The following CAMKMT variants were observed in gnomAD, a reference collection of about 807,000 sequenced individuals.
The protein encoded by CAMKMT is CaM KMT.
A neutral mutation model predicts 48.0 loss-of-function variants in CAMKMT; 53 were observed. The ratio of observed to expected loss-of-function variants is 1.10; its 90% CI spans 0.89 to 1.39. The LOEUF (loss-of-function observed/expected upper bound fraction) is 1.39, where lower values mean the gene tolerates loss of function less well. Ranked by LOEUF, CAMKMT falls within the 40% of genes most tolerant of loss-of-function variation. The pLI, the probability that CAMKMT is intolerant of heterozygous loss-of-function variation, is 0.00. For missense variants in CAMKMT, 428 were observed against 402.7 expected (o/e 1.06, Z -0.54); for synonymous variants, 165 against 152.3 (o/e 1.08, Z -0.61).
intron 3 of CAMKMT, among the ~76,000 whole-genome samples, chr2:44,608,116 A>T (rs1297771286): frequency 1.6e-5 from 2 of 128,226 alleles, no homozygotes; most frequent in Non-Finnish European, 3.1e-5. Context: ...TCCGTCGCCC[A>T]GGCTGGAGTG....
chr2:44,426,981 C>G (rs1270022371), intron 3 of CAMKMT, among the ~76,000 whole-genome samples: 1 of 152,088 alleles, frequency 6.6e-6, no homozygotes, highest in Non-Finnish European at 1.5e-5. Context: ...GACACATAGA[C>G]CAATGGAACA....
intron 3 of CAMKMT, among the ~76,000 whole-genome samples, chr2:44,661,749 C>G (rs1482153657): frequency 6.6e-6 from 1 of 152,106 alleles, no homozygotes; most frequent in African/African-American, 2.4e-5. Flanking sequence ...CCAACAGTGG[C>G]ATTAGAGTTA....
intron 3 of CAMKMT, among the ~76,000 whole-genome samples, chr2:44,426,828 A>G (rs1417935282): frequency 6.6e-6 from 1 of 152,198 alleles, no homozygotes; most frequent in Non-Finnish European, 1.5e-5. Context: ...ACTATCTAAA[A>G]TTCATATGGA....
intron 3 of CAMKMT, among the ~76,000 whole-genome samples, chr2:44,675,280 T>TATTA (rs1675617704): frequency 6.6e-6 from 1 of 152,202 alleles, no homozygotes; most frequent in African/African-American, 2.4e-5. Flanking sequence ...AGCACTCTAA[T>TATTA]GAGGCTCTTT....
At chr2:44,615,201 C>G (rs1382673547) in intron 3 of CAMKMT, among the ~76,000 whole-genome samples, 2 of 152,012 alleles carry the variant, frequency 1.3e-5, no homozygotes, top group Non-Finnish European at 2.9e-5. Context: ...ATTGGGATTA[C>G]AGGTTGAATT....
At chr2:44,441,833 ACATGGTAG>A (rs1666682354) in intron 3 of CAMKMT, among the ~76,000 whole-genome samples, 1 of 152,124 alleles carries the variant, frequency 6.6e-6, no homozygotes, top group Admixed American at 6.6e-5. Flanking sequence ...GTGCATTTTG[ACATGGTAG>A]CTTTTATACT....
At chr2:44,372,135 G>A (rs1679239288) in intron 1 of CAMKMT, among the ~76,000 whole-genome samples, 2 of 152,050 alleles carry the variant, frequency 1.3e-5, no homozygotes, top group Non-Finnish European at 2.9e-5. Flanking sequence ...ATATCCCCAG[G>A]AGAAAAGTGG....
At chr2:44,511,205 C>G (rs558272709) in intron 3 of CAMKMT, among the ~76,000 whole-genome samples, 2 of 152,152 alleles carry the variant, frequency 1.3e-5, no homozygotes, top group Non-Finnish European at 2.9e-5. Context: ...TGACAACATA[C>G]GATATTTAGT....
intron 3 of CAMKMT, among the ~76,000 whole-genome samples, chr2:44,667,438 T>C (rs1675059630): frequency 6.6e-6 from 1 of 152,206 alleles, no homozygotes; most frequent in Admixed American, 6.5e-5. Context: ...ATTTCTCCTG[T>C]CTCAAGAACT....
chr2:44,582,114 A>G (rs147609335), intron 3 of CAMKMT, among the ~76,000 whole-genome samples: 2 of 152,366 alleles, frequency 1.3e-5, no homozygotes, highest in African/African-American at 2.4e-5. Context: ...GGATCATTCT[A>G]TCCATCGTAG....
chr2:44,440,957 G>A (rs1289255125), intron 3 of CAMKMT, among the ~76,000 whole-genome samples: 1 of 151,898 alleles, frequency 6.6e-6, no homozygotes, highest in East Asian at 1.9e-4. Context: ...GGCCTGTTTG[G>A]AATTAGCCTT....
chr2:44,512,189 T>A (rs1354973384), intron 3 of CAMKMT, among the ~76,000 whole-genome samples: 2 of 152,216 alleles, frequency 1.3e-5, no homozygotes, highest in African/African-American at 4.8e-5. Flanking sequence ...TGACCATGTC[T>A]ATGTAATTTT....
chr2:44,635,745 G>T (rs1673094358), intron 3 of CAMKMT, among the ~76,000 whole-genome samples: 1 of 152,170 alleles, frequency 6.6e-6, no homozygotes, highest in Non-Finnish European at 1.5e-5. Flanking sequence ...TTTGTAGCTG[G>T]GGGTGCTCCT....
At chr2:44,364,572 G>A (rs925310930) in intron 1 of CAMKMT, among the ~76,000 whole-genome samples, 1 of 152,166 alleles carries the variant, frequency 6.6e-6, no homozygotes, top group Admixed American at 6.5e-5. Flanking sequence ...ATTTTTAGTA[G>A]ATGTTGTTCA....
intron 3 of CAMKMT, among the ~76,000 whole-genome samples, chr2:44,522,726 G>A (rs1671183711): frequency 6.6e-6 from 1 of 152,162 alleles, no homozygotes; most frequent in South Asian, 2.1e-4. Context: ...CTGGGAATGA[G>A]AAACAAATTT....
At chr2:44,459,729 T>G (rs1348738423) in intron 3 of CAMKMT, among the ~76,000 whole-genome samples, 4 of 152,176 alleles carry the variant, frequency 2.6e-5, no homozygotes, top group Admixed American at 1.3e-4. Flanking sequence ...CTAGTATATT[T>G]TATGTTAGCA....
intron 3 of CAMKMT, among the ~76,000 whole-genome samples, chr2:44,486,005 C>G (rs1276902335): frequency 6.6e-6 from 1 of 152,056 alleles, no homozygotes; most frequent in Non-Finnish European, 1.5e-5. Context: ...CACTCTGTCG[C>G]CCAGGCTTGA....
At chr2:44,438,344 A>T (rs573243919) in intron 3 of CAMKMT, among the ~76,000 whole-genome samples, 3 of 152,340 alleles carry the variant, frequency 2.0e-5, no homozygotes, top group African/African-American at 7.2e-5. Flanking sequence ...TTAAGTTTGA[A>T]TATAATTGGT....
chr2:44,590,750 T>C (rs1159513124), intron 3 of CAMKMT, among the ~76,000 whole-genome samples: 2 of 152,174 alleles, frequency 1.3e-5, no homozygotes, highest in Admixed American at 1.3e-4. Context: ...AGAAGCTCTT[T>C]AGTTTAATGA....
Sources: gnomAD v4.1 joint callset for allele counts (sites outside exome capture counted in the v4.1 genomes callset) on GRCh38, gnomAD v4.1.1 for gene constraint, MANE v1.5 for transcripts, NCBI Gene and HGNC (gene_info 2026-07-23, HGNC 2026-07-21) for gene names.